CLEC16A: variants seen among roughly 807,000 people sequenced by gnomAD.
The protein encoded by CLEC16A is C-type lectin domain containing 16A.
In CLEC16A, 51 loss-of-function variants were observed where a neutral mutation model predicts 109.5. The observed-to-expected ratio is 0.47, with a 90% confidence interval of 0.37 to 0.59. The LOEUF is 0.59. CLEC16A is among the 20% of genes least tolerant of loss of function. CLEC16A has a pLI of 0.00. For synonymous variants in CLEC16A, 673 were observed against 564.2 expected, an observed-to-expected ratio of 1.19 and a Z score of -2.73; for missense variants, 1,339 against 1,394.0, an observed-to-expected ratio of 0.96 and a Z score of 0.63.
In CLEC16A at chr16:11,083,319, C is replaced by T. The variant is rs147138512; in HGVS notation, c.2116+22297C>T. On this transcript the variant is annotated intron_variant, in intron 19 of 23. Transcript: ENST00000409790. ...CTGGGCCTATAGGTGGACACCACCA[C>T]GCCTGGATAATTTTTTTGATTTTTT... 3.7e-3 allele frequency among the ~76,000 whole-genome samples: 557 copies of T among 152,212 alleles called. 5 individuals are homozygous for T. Among genetic ancestry groups the T allele is most frequent in the South Asian group, 0.014 (68 of 4,822 alleles).
At chr16:10,958,591 G>T (rs4781027) in intron 2 of CLEC16A, among the ~76,000 whole-genome samples, 15 of 152,030 alleles carry the variant, frequency 9.9e-5, no homozygotes, top group African/African-American at 3.6e-4. Flanking sequence ...AAAGACAGAC[G>T]TGCCTCACTG....
chr16:11,116,647 T>G (rs78032158), intron 19 of CLEC16A, among the ~76,000 whole-genome samples: 3,761 of 152,162 alleles, frequency 0.025, 73 homozygotes, highest in Non-Finnish European at 0.04. Flanking sequence ...AAAGAGAAAT[T>G]TACCTGTGCT....
chr16:11,039,741 T>A lies in CLEC16A; in HGVS notation c.1538-13T>A. 6.3e-7 allele frequency: 1 copy of A among 1,590,678 alleles called. No individual in the cohort carries two copies. Among genetic ancestry groups the A allele is most frequent in the Non-Finnish European group, 8.6e-7 (1 of 1,168,466 alleles). On this transcript the variant is annotated splice_polypyrimidine_tract_variant and intron_variant, in intron 13 of 23. Transcript: ENST00000409790. ...CAGGAGGCCTCCACTTACATCCTTC[T>A]CCTCTGTTCCAGGCATGGATCCTGA... is the stretch of plus-strand genomic sequence containing the variant.
intron 19 of CLEC16A, among the ~76,000 whole-genome samples, chr16:11,107,768 A>T (rs1032257339): frequency 6.6e-6 from 1 of 152,208 alleles, no homozygotes; most frequent in African/African-American, 2.4e-5. Context: ...CACTCAAGTT[A>T]GCTCCCAAGG....
At chr16:11,088,602 A>T (rs1429666798) in intron 19 of CLEC16A, among the ~76,000 whole-genome samples, 1 of 152,178 alleles carries the variant, frequency 6.6e-6, no homozygotes, top group Non-Finnish European at 1.5e-5. Flanking sequence ...TCGGGCAGGA[A>T]GTGCACCAGG....
At chr16:11,157,896 T>G (rs2054592389) in intron 22 of CLEC16A, among the ~76,000 whole-genome samples, 1 of 152,136 alleles carries the variant, frequency 6.6e-6, no homozygotes, top group Non-Finnish European at 1.5e-5. Flanking sequence ...ATTGCTGTCA[T>G]CTTGCCAGGG....
intron 11 of CLEC16A, among the ~76,000 whole-genome samples, chr16:11,003,839 A>G (rs1474342550): frequency 3.3e-5 from 5 of 152,050 alleles, no homozygotes; most frequent in African/African-American, 1.2e-4. Flanking sequence ...GTTTAATGAA[A>G]TGATATGCTT....
At chr16:10,959,542 C>G (rs530078058) in intron 2 of CLEC16A, among the ~76,000 whole-genome samples, 2 of 151,708 alleles carry the variant, frequency 1.3e-5, no homozygotes, top group Non-Finnish European at 2.9e-5. Context: ...CAGGCATGCA[C>G]CACCACGTGG....
At chr16:10,971,361 C>A in intron 5 of CLEC16A, 131 bp downstream of exon 5, 1 of 819,828 alleles carries the variant, frequency 1.2e-6, no homozygotes. Flanking sequence ...GGCAGCTTCT[C>A]TCATGAAAAA....
At chr16:11,061,284 C>G (rs951077658) in intron 19 of CLEC16A, among the ~76,000 whole-genome samples, 3 of 152,068 alleles carry the variant, frequency 2.0e-5, no homozygotes, top group African/African-American at 7.3e-5. Flanking sequence ...CCTGGAGGCT[C>G]AAGCAAGGGT....
chr16:11,119,590 C>G (rs983883627), intron 19 of CLEC16A, among the ~76,000 whole-genome samples: 4 of 152,124 alleles, frequency 2.6e-5, no homozygotes, highest in Non-Finnish European at 4.4e-5. Context: ...TGGGGTTTTG[C>G]CGTGTTGCCC....
chr16:10,949,939 C>T (rs1398945460), intron 1 of CLEC16A, among the ~76,000 whole-genome samples: 1 of 152,214 alleles, frequency 6.6e-6, no homozygotes, highest in Non-Finnish European at 1.5e-5. Flanking sequence ...CATCCAAATC[C>T]CTAGCTCTAT....
chr16:10,947,987 G>A (rs34315692), intron 1 of CLEC16A, among the ~76,000 whole-genome samples: 25,795 of 151,792 alleles, frequency 0.17, 2,700 homozygotes, highest in South Asian at 0.23. Context: ...TCCGCCTCCC[G>A]GGTTCACGCC....
At chr16:11,029,861 A>G (rs2046636402) in intron 13 of CLEC16A, among the ~76,000 whole-genome samples, 1 of 152,174 alleles carries the variant, frequency 6.6e-6, no homozygotes, top group Non-Finnish European at 1.5e-5. Context: ...AGCATCCCAA[A>G]CATTTCCTCA....
chr16:11,114,740 C>G (rs578077693), intron 19 of CLEC16A, among the ~76,000 whole-genome samples: 1 of 152,130 alleles, frequency 6.6e-6, no homozygotes. Context: ...GGGCAGGGTA[C>G]AGGAGTTCCC....
intron 22 of CLEC16A, among the ~76,000 whole-genome samples, chr16:11,154,520 G>C (rs969569530): frequency 6.6e-5 from 10 of 152,214 alleles, no homozygotes; most frequent in African/African-American, 2.4e-4. Flanking sequence ...AAAATCTTCA[G>C]TCATAACAGC....
chr16:11,011,073 G>T (rs1414677746), intron 11 of CLEC16A, among the ~76,000 whole-genome samples: 1 of 152,160 alleles, frequency 6.6e-6, no homozygotes. Context: ...CTAAGGTGTT[G>T]CCCAGTTTCT....
At chr16:11,011,960 CTT>C (rs943440750) in intron 11 of CLEC16A, among the ~76,000 whole-genome samples, 23 of 152,218 alleles carry the variant, frequency 1.5e-4, no homozygotes, top group Middle Eastern at 3.4e-3. Context: ...TTCAGAATTG[CTT>C]CACTTAGAGT....
chr16:11,036,782 C>T (rs2047049823), intron 13 of CLEC16A, among the ~76,000 whole-genome samples: 1 of 152,138 alleles, frequency 6.6e-6, no homozygotes, highest in Non-Finnish European at 1.5e-5. Context: ...CTCCTGACCT[C>T]AGGCGATCTG....
Sources: allele counts gnomAD v4.1 joint callset (sites outside exome capture counted in the v4.1 genomes callset), GRCh38; gene constraint gnomAD v4.1.1; transcripts MANE v1.5; gene names NCBI Gene and HGNC (gene_info 2026-07-23, HGNC 2026-07-21).